OSBPL9: variants seen among roughly 807,000 people sequenced by gnomAD.
OSBPL9 encodes the protein oxysterol binding protein like 9, also known as oxysterol-binding protein-related protein 9.
OSBPL9 carries 40 observed loss-of-function variants against 106.6 expected under a neutral mutation model. The ratio of observed to expected loss-of-function variants is 0.38; its 90% CI spans 0.29 to 0.49. The LOEUF (loss-of-function observed/expected upper bound fraction) is 0.49. OSBPL9 is among the 20% of genes least tolerant of loss of function. The probability of loss-of-function intolerance (pLI) is 0.97; values close to 1 mark genes in which losing one functional copy is unlikely to be tolerated. For missense variants in OSBPL9, 609 were observed against 887.2 expected (o/e 0.69, Z 3.98); for synonymous variants, 269 against 295.4 (o/e 0.91, Z 0.92).
rs1663705646 is a variant in OSBPL9 at position 51,729,203 on chromosome 1, T to C, written c.318+15124T>C. ...ATGTCTCACCGGATTAATAAAAATA[T>C]AGGCGCTCACGCTTTTGTTTACCGA... is the stretch of plus-strand genomic sequence containing the variant. On this transcript the variant is annotated intron_variant, in intron 4 of 23. Coordinates refer to ENST00000428468, the MANE Select transcript of OSBPL9 (RefSeq NM_024586.6). The surrounding 1 kb of genome is among the most constrained non-coding windows in gnomAD (Gnocchi z 5.1). 6.6e-6 allele frequency: 1 copy of C among 152,224 alleles called. No homozygotes were observed. Among genetic ancestry groups the C allele is most frequent in the Non-Finnish European group, 1.5e-5 (1 of 68,062 alleles). 9.4% of individuals were successfully genotyped at this position (152,224 alleles called of 1,614,324 possible).
chr1:51,663,338 G>C (rs1647583550), intron 2 of OSBPL9, among the ~76,000 whole-genome samples: 1 of 148,770 alleles, frequency 6.7e-6, no homozygotes, highest in African/African-American at 2.5e-5. Flanking sequence ...AACGTGTGTA[G>C]CTGACTAAAA....
At chr1:51,557,658 A>G in the OSBPL9 span, among the ~76,000 whole-genome samples, 1 of 152,210 alleles carries the variant, frequency 6.6e-6, no homozygotes, top group Non-Finnish European at 1.5e-5. Flanking sequence ...ACATGTAAAG[A>G]GTATAGGTTT....
At chr1:51,594,569 A>G (rs1191936997) in intron 1 of OSBPL9, among the ~76,000 whole-genome samples, 1 of 152,232 alleles carries the variant, frequency 6.6e-6, no homozygotes, top group Non-Finnish European at 1.5e-5. Flanking sequence ...GTGTGCTCCA[A>G]CTATATGCTA....
chr1:51,677,210 G>GC (rs1178029809), intron 3 of OSBPL9, among the ~76,000 whole-genome samples: 1 of 152,200 alleles, frequency 6.6e-6, no homozygotes, highest in Admixed American at 6.5e-5. Flanking sequence ...TTGGGAATGG[G>GC]CCCGCTCTAG....
At chr1:51,592,798 A>G (rs1236925500) in intron 1 of OSBPL9, among the ~76,000 whole-genome samples, 1 of 152,136 alleles carries the variant, frequency 6.6e-6, no homozygotes, top group Non-Finnish European at 1.5e-5. Context: ...ACCCTTGGGC[A>G]TTTGAGCATT....
chr1:51,736,412 T>A (rs542045791), intron 4 of OSBPL9, among the ~76,000 whole-genome samples: 1 of 152,316 alleles, frequency 6.6e-6, no homozygotes, highest in Admixed American at 6.5e-5. Context: ...TTATTTTGTT[T>A]GCCTGTGACT....
chr1:51,663,676 C>T (rs1334288390), intron 2 of OSBPL9, among the ~76,000 whole-genome samples: 1 of 152,094 alleles, frequency 6.6e-6, no homozygotes, highest in Non-Finnish European at 1.5e-5. Flanking sequence ...AAGAATTCTT[C>T]ATCAAAAGAT....
chr1:51,702,029 T>C (rs538399043), intron 3 of OSBPL9, among the ~76,000 whole-genome samples: 1 of 152,346 alleles, frequency 6.6e-6, no homozygotes, highest in African/African-American at 2.4e-5. Flanking sequence ...TGCCACATTT[T>C]CTTAATCCAG....
intron 1 of OSBPL9, among the ~76,000 whole-genome samples, chr1:51,595,247 G>A (rs1031131652): frequency 1.2e-4 from 18 of 152,126 alleles, no homozygotes; most frequent in Non-Finnish European, 1.5e-5. Flanking sequence ...GAGTGGAATG[G>A]GCAGCTGAGG....
chr1:51,711,411 C>T (rs1231462277), intron 3 of OSBPL9, among the ~76,000 whole-genome samples: 6 of 144,226 alleles, frequency 4.2e-5, no homozygotes, highest in African/African-American at 1.0e-4. Flanking sequence ...TAGGGGCGGC[C>T]GGGTAGAGGC....
the OSBPL9 span, among the ~76,000 whole-genome samples, chr1:51,533,377 T>C: frequency 6.6e-6 from 1 of 151,272 alleles, no homozygotes; most frequent in Non-Finnish European, 1.5e-5. Context: ...TCCCAGCTAC[T>C]CTGGAGGCTG....
chr1:51,697,634 TG>T (rs1656341062), intron 3 of OSBPL9, among the ~76,000 whole-genome samples: 1 of 151,636 alleles, frequency 6.6e-6, no homozygotes, highest in Non-Finnish European at 1.5e-5. Context: ...TTTAGAAAGT[TG>T]TCCTAAAAGC....
At chr1:51,757,638 C>T (rs1670622577) in intron 9 of OSBPL9, among the ~76,000 whole-genome samples, 1 of 151,904 alleles carries the variant, frequency 6.6e-6, no homozygotes, top group South Asian at 2.1e-4. Context: ...AGAAAAATAT[C>T]TTTGAATCAT....
At chr1:51,575,566 A>G (rs1039931087), upstream of OSBPL9, among the ~76,000 whole-genome samples, 1 of 151,888 alleles carries the variant, frequency 6.6e-6, no homozygotes, top group Non-Finnish European at 1.5e-5. Context: ...ACATCAACAC[A>G]CATCCAGTAA....
At chr1:51,764,333 A>G (rs1672126387) in intron 11 of OSBPL9, among the ~76,000 whole-genome samples, 1 of 152,156 alleles carries the variant, frequency 6.6e-6, no homozygotes, top group Admixed American at 6.5e-5. Flanking sequence ...CAATAAGAAA[A>G]AGCTGCTTTT....
intron 8 of OSBPL9, among the ~76,000 whole-genome samples, chr1:51,753,344 G>C (rs1158413340): frequency 6.6e-6 from 1 of 152,116 alleles, no homozygotes; most frequent in Non-Finnish European, 1.5e-5. Flanking sequence ...AGTAATGTCT[G>C]TCTCTTACTG....
intron 2 of OSBPL9, among the ~76,000 whole-genome samples, chr1:51,660,124 G>A (rs569604508): frequency 3.3e-5 from 5 of 152,044 alleles, no homozygotes; most frequent in Non-Finnish European, 5.9e-5. Context: ...TCAATTGGGT[G>A]TCCATATGAA....
chr1:51,643,348 T>C (rs1645929328), intron 1 of OSBPL9, among the ~76,000 whole-genome samples: 2 of 152,224 alleles, frequency 1.3e-5, no homozygotes, highest in African/African-American at 4.8e-5. Context: ...AAGGGTTGGC[T>C]ATCTGCTCTA....
chr1:51,596,013 T>G (rs898746756), intron 1 of OSBPL9, among the ~76,000 whole-genome samples: 2 of 151,960 alleles, frequency 1.3e-5, no homozygotes, highest in Non-Finnish European at 2.9e-5. Flanking sequence ...CTCCAGCACT[T>G]TGGGAGGCCG....
Sources: gnomAD v4.1 joint callset for allele counts (sites outside exome capture counted in the v4.1 genomes callset) on GRCh38, gnomAD v4.1.1 for gene constraint, Gnocchi (gnomAD v3.1) non-coding constraint, MANE v1.5 for transcripts, NCBI Gene and HGNC (gene_info 2026-07-23, HGNC 2026-07-21) for gene names.